The following SLIT3 variants were observed in gnomAD, a reference collection of about 807,000 sequenced individuals.
The protein encoded by SLIT3 is slit guidance ligand 3, also known as slit homolog 3 protein.
A neutral mutation model predicts 184.0 loss-of-function variants in SLIT3; 68 were observed. The ratio of observed to expected loss-of-function variants is 0.37; its 90% CI spans 0.30 to 0.45. The LOEUF (loss-of-function observed/expected upper bound fraction) is 0.45. Among genes scored for constraint, SLIT3 ranks in the 20% least tolerant of loss-of-function variants. The probability of loss-of-function intolerance (pLI) is 1.00; values close to 1 mark genes in which losing one functional copy is unlikely to be tolerated. For synonymous variants in SLIT3, 831 were observed against 828.6 expected (o/e 1.00, Z -0.05); for missense variants, 1,707 against 2,026.0 (o/e 0.84, Z 3.02).
intron 20 of SLIT3, among the ~76,000 whole-genome samples, chr5:168,727,440 G>A (rs1300471185): frequency 6.6e-6 from 1 of 152,230 alleles, no homozygotes; most frequent in African/African-American, 2.4e-5. Context: ...GAAGAGTCTG[G>A]CAAGAATGCA....
intron 9 of SLIT3, among the ~76,000 whole-genome samples, chr5:168,799,957 AG>A (rs1316532379): frequency 6.6e-6 from 1 of 152,068 alleles, no homozygotes; most frequent in African/African-American, 2.4e-5. Flanking sequence ...CTTAACCCTT[AG>A]GCTATCCTGC....
chr5:169,194,098 C>T (rs549305775), intron 3 of SLIT3, among the ~76,000 whole-genome samples: 35 of 151,794 alleles, frequency 2.3e-4, no homozygotes, highest in Admixed American at 4.6e-4. Context: ...AGCTGGGCAT[C>T]GTGCTGCATG....
At chr5:169,170,670 G>T (rs1762788337) in intron 4 of SLIT3, among the ~76,000 whole-genome samples, 1 of 152,184 alleles carries the variant, frequency 6.6e-6, no homozygotes, top group African/African-American at 2.4e-5. Context: ...CCAATTTGGG[G>T]ACAGGAACAA....
intron 6 of SLIT3, among the ~76,000 whole-genome samples, chr5:168,833,229 C>T (rs1379270003): frequency 4.6e-5 from 7 of 152,178 alleles, no homozygotes; most frequent in Non-Finnish European, 7.3e-5. Context: ...TGTGGACAGT[C>T]GAAACTGAGC....
chr5:168,992,731 AG>A (rs903698962), intron 4 of SLIT3, among the ~76,000 whole-genome samples: 2 of 152,214 alleles, frequency 1.3e-5, no homozygotes, highest in Non-Finnish European at 1.5e-5. Context: ...CAGGGTTCCA[AG>A]GGACAGAGTC....
intron 4 of SLIT3, among the ~76,000 whole-genome samples, chr5:169,025,941 G>T (rs563833832): frequency 1.3e-5 from 2 of 152,154 alleles, no homozygotes; most frequent in Non-Finnish European, 2.9e-5. Flanking sequence ...ATAGCCACCT[G>T]CGATTTCCCA....
At chr5:168,735,661 T>TACACACACACACACACAC (rs150528782) in intron 20 of SLIT3, among the ~76,000 whole-genome samples, 1 of 142,072 alleles carries the variant, frequency 7.0e-6, no homozygotes, top group African/African-American at 2.6e-5. Flanking sequence ...GACAGATAGA[T>TACACACACACACACACAC]ACACACACAC....
intron 4 of SLIT3, among the ~76,000 whole-genome samples, chr5:169,164,683 G>A (rs1409370391): frequency 6.6e-6 from 1 of 152,198 alleles, no homozygotes; most frequent in African/African-American, 2.4e-5. Context: ...GGTATGTGGA[G>A]CTATTGTTCT....
intron 4 of SLIT3, among the ~76,000 whole-genome samples, chr5:168,916,922 C>A (rs1387250250): frequency 1.3e-5 from 2 of 152,148 alleles, no homozygotes; most frequent in East Asian, 3.9e-4. Flanking sequence ...ATGCTGCACA[C>A]CTCACCCACG....
At chr5:169,257,425 G>T (rs2113606453) in intron 1 of SLIT3, among the ~76,000 whole-genome samples, 1 of 122,388 alleles carries the variant, frequency 8.2e-6, no homozygotes, top group East Asian at 2.7e-4. Flanking sequence ...ATTAAACTCA[G>T]ACCTATTCAA....
intron 15 of SLIT3, among the ~76,000 whole-genome samples, chr5:168,761,744 AT>A (rs911298636): frequency 6.6e-5 from 10 of 150,978 alleles, no homozygotes; most frequent in East Asian, 5.9e-4. Context: ...ATTAAAAAAA[AT>A]TTTTTTTTCC....
chr5:168,864,948 A>T (rs1313704450), intron 5 of SLIT3, among the ~76,000 whole-genome samples: 1 of 152,158 alleles, frequency 6.6e-6, no homozygotes, highest in Non-Finnish European at 1.5e-5. Context: ...CGGGTGGATC[A>T]CCTGAGGTCA....
intron 1 of SLIT3, among the ~76,000 whole-genome samples, chr5:169,272,454 C>A (rs566572949): frequency 1.1e-4 from 16 of 152,218 alleles, no homozygotes; most frequent in Admixed American, 8.5e-4. Context: ...CTGCAGACTT[C>A]ATAATTATGA....
intron 4 of SLIT3, among the ~76,000 whole-genome samples, chr5:168,932,819 A>C (rs1762035651): frequency 6.6e-6 from 1 of 152,258 alleles, no homozygotes; most frequent in Non-Finnish European, 1.5e-5. Context: ...CTAGCAGCCT[A>C]GGCTACGATT....
At chr5:168,977,991 A>C (rs1337940368) in intron 4 of SLIT3, among the ~76,000 whole-genome samples, 1 of 152,136 alleles carries the variant, frequency 6.6e-6, no homozygotes, top group African/African-American at 2.4e-5. Context: ...TCCCATTTCT[A>C]GTTAGAACTG....
At chr5:169,087,700 GT>G (rs1759366447) in intron 4 of SLIT3, among the ~76,000 whole-genome samples, 1 of 152,104 alleles carries the variant, frequency 6.6e-6, no homozygotes. Flanking sequence ...ACCAGCAAAG[GT>G]TTTTGTAGTA....
chr5:168,949,559 CA>C (rs1173120836), intron 4 of SLIT3, among the ~76,000 whole-genome samples: 1 of 152,142 alleles, frequency 6.6e-6, no homozygotes, highest in African/African-American at 2.4e-5. Flanking sequence ...ACAAAAGACC[CA>C]AAGAACAACT....
chr5:168,795,742 C>T (rs1756544305), intron 9 of SLIT3, among the ~76,000 whole-genome samples, 164 bp from the exon 10 acceptor site: 1 of 152,142 alleles, frequency 6.6e-6, no homozygotes, highest in South Asian at 2.1e-4. Context: ...AGTCAGAGAA[C>T]TCAGGTCCTA....
intron 4 of SLIT3, among the ~76,000 whole-genome samples, chr5:169,033,962 A>T (rs1483036139): frequency 6.6e-6 from 1 of 151,682 alleles, no homozygotes; most frequent in Non-Finnish European, 1.5e-5. Flanking sequence ...ACAGGTGTCC[A>T]CCACCACGCC....
Sources: gnomAD v4.1 joint callset for allele counts (sites outside exome capture counted in the v4.1 genomes callset) on GRCh38, gnomAD v4.1.1 for gene constraint, MANE v1.5 for transcripts, NCBI Gene and HGNC (gene_info 2026-07-23, HGNC 2026-07-21) for gene names.